Variants in COG6 observed in about 807,000 individuals in gnomAD.
COG6 encodes conserved oligomeric Golgi complex subunit 6.
In COG6, 74 loss-of-function variants were observed where a neutral mutation model predicts 88.8. The observed-to-expected ratio is 0.83, with a 90% CI of 0.69 to 1.01. COG6 has a LOEUF of 1.01. COG6 is among the 50% of genes least tolerant of loss of function. The pLI is 0.00. For synonymous variants in COG6, 286 were observed against 278.7 expected (o/e 1.03, Z -0.26); for missense variants, 800 against 797.9 (o/e 1.00, Z -0.03).
At chr13:39,677,990 C>G in intron 5 of COG6, 1 of 402,294 alleles carries the variant, frequency 2.5e-6, no homozygotes, top group Non-Finnish European at 4.8e-6. Flanking sequence ...GTCTCCTCCC[C>G]CAACACAGAT....
At chr13:39,747,300 A>AGAG (rs1482276035) in intron 18 of COG6, among the ~76,000 whole-genome samples, 1 of 152,230 alleles carries the variant, frequency 6.6e-6, no homozygotes, top group East Asian at 1.9e-4. Flanking sequence ...ACTGTCAGCC[A>AGAG]GAGTTCTTGG....
intron 18 of COG6, among the ~76,000 whole-genome samples, chr13:39,738,462 T>G (rs1256305055): frequency 6.6e-6 from 1 of 152,058 alleles, no homozygotes; most frequent in East Asian, 1.9e-4. Flanking sequence ...TAAAAAGTAA[T>G]TGTATCAAAA....
At chr13:39,657,477 A>G (rs1456712076) in intron 1 of COG6, among the ~76,000 whole-genome samples, 2 of 151,872 alleles carry the variant, frequency 1.3e-5, no homozygotes, top group Non-Finnish European at 2.9e-5. Context: ...TCTTTGAACC[A>G]GACCTTAGGA....
intron 16 of COG6, among the ~76,000 whole-genome samples, chr13:39,723,716 TA>T (rs1878979090): frequency 6.6e-6 from 1 of 152,012 alleles, no homozygotes; most frequent in South Asian, 2.1e-4. Flanking sequence ...TCCTTTTTAT[TA>T]AAAATAGTTT....
At chr13:39,778,966 A>G (rs1881549005) in intron 18 of COG6, among the ~76,000 whole-genome samples, 1 of 152,242 alleles carries the variant, frequency 6.6e-6, no homozygotes, top group African/African-American at 2.4e-5. Context: ...CCTCACTTCC[A>G]CCATATGCTT....
intron 4 of COG6, among the ~76,000 whole-genome samples, chr13:39,668,787 CAAAAA>C (rs58876374): frequency 2.2e-5 from 2 of 89,568 alleles, no homozygotes; most frequent in Non-Finnish European, 4.6e-5. Flanking sequence ...GACTCCGTCT[CAAAAA>C]AAAAAAAAAA....
chr13:39,781,373 A>G, intron 18 of COG6, among the ~76,000 whole-genome samples: 1 of 151,962 alleles, frequency 6.6e-6, no homozygotes, highest in Non-Finnish European at 1.5e-5. Context: ...AAAAGTTAAC[A>G]TTTGTTTTTC....
intron 4 of COG6, among the ~76,000 whole-genome samples, chr13:39,668,743 G>A (rs1477556881): frequency 2.7e-5 from 4 of 150,608 alleles, no homozygotes; most frequent in South Asian, 2.1e-4. Flanking sequence ...AGCTGAGAAC[G>A]CGCCACTGCA....
chr13:39,688,733 A>G (rs1322241970), intron 10 of COG6, among the ~76,000 whole-genome samples: 1 of 152,216 alleles, frequency 6.6e-6, no homozygotes, highest in Non-Finnish European at 1.5e-5. Context: ...AAGAAAAATA[A>G]CTGTAGTTGA....
chr13:39,691,561 T>A (rs1480467575), intron 11 of COG6, among the ~76,000 whole-genome samples: 1 of 151,950 alleles, frequency 6.6e-6, no homozygotes, highest in Non-Finnish European at 1.5e-5. Flanking sequence ...CAGAGAATAT[T>A]TAGCAGGTGT....
intron 18 of COG6, among the ~76,000 whole-genome samples, chr13:39,760,391 T>G (rs1880974022): frequency 6.6e-6 from 1 of 152,156 alleles, no homozygotes; most frequent in Non-Finnish European, 1.5e-5. Context: ...CTAGGAATTT[T>G]TCTTGCTTTA....
At chr13:39,716,657 G>A (rs1424683855) in intron 13 of COG6, among the ~76,000 whole-genome samples, 1 of 152,018 alleles carries the variant, frequency 6.6e-6, no homozygotes, top group East Asian at 1.9e-4. Context: ...ATATATGTAT[G>A]TGGGTATAGG....
intron 18 of COG6, among the ~76,000 whole-genome samples, chr13:39,780,161 A>G (rs1232236337): frequency 6.6e-6 from 1 of 152,222 alleles, no homozygotes; most frequent in Non-Finnish European, 1.5e-5. Flanking sequence ...AGAAACCAAA[A>G]TCTACTTTTT....
In COG6 at chr13:39,788,092, A is replaced by C. The variant is rs8002731; in HGVS notation, c.1827-243A>C. ...ACATTTTGGCATGGAATTTTCTCGA[A>C]ATGCCATGCTTAGAGCTTTTCCTGT... is the stretch of plus-strand genomic sequence containing the variant. On this transcript the variant is annotated intron_variant, in intron 18 of 18. Coordinates refer to the COG6 transcript ENST00000416691. Among the ~76,000 whole-genome samples the C allele has an allele frequency of 0.3, 45,355 of 152,098 alleles. 6,990 individuals are homozygous for C. Among genetic ancestry groups the C allele is most frequent in the Non-Finnish European group, 0.35 (23,836 of 67,972 alleles).
intron 18 of COG6, among the ~76,000 whole-genome samples, chr13:39,765,060 C>G (rs1881126138): frequency 6.6e-6 from 1 of 151,964 alleles, no homozygotes; most frequent in African/African-American, 2.4e-5. Context: ...ATTATGATTT[C>G]TTCTTTGAAC....
intron 12 of COG6, among the ~76,000 whole-genome samples, chr13:39,695,531 T>C (rs1877227810): frequency 1.3e-5 from 2 of 151,800 alleles, no homozygotes; most frequent in East Asian, 1.9e-4. Context: ...TCAGGAATAG[T>C]AGGCCAACTG....
At chr13:39,727,357 T>C in intron 17 of COG6, 112 bp from the exon 18 acceptor site, 1 of 802,184 alleles carries the variant, frequency 1.2e-6, no homozygotes, top group Non-Finnish European at 2.2e-6. Flanking sequence ...TCTAGTTATT[T>C]AGAGTATGGA....
chr13:39,656,742 A>G, intron 1 of COG6: 1 of 427,932 alleles, frequency 2.3e-6, no homozygotes, highest in Non-Finnish European at 4.7e-6. Context: ...AGGGCTCTGG[A>G]GACTACCACT....
chr13:39,691,041 C>CT (rs934979733), intron 11 of COG6, among the ~76,000 whole-genome samples: 2 of 151,708 alleles, frequency 1.3e-5, no homozygotes, highest in African/African-American at 4.8e-5. Context: ...GTAAATTTTA[C>CT]TTTATCTGCC....
Sources: gnomAD v4.1 joint callset for allele counts (sites outside exome capture counted in the v4.1 genomes callset) on GRCh38, gnomAD v4.1.1 for gene constraint, MANE v1.5 for transcripts, NCBI Gene and HGNC (gene_info 2026-07-23, HGNC 2026-07-21) for gene names.